Variants in MFSD6 observed in about 807,000 individuals in gnomAD.
MFSD6 encodes the protein major facilitator superfamily domain-containing protein 6.
A neutral mutation model predicts 56.3 loss-of-function variants in MFSD6; 26 were observed. The ratio of observed to expected loss-of-function variants is 0.46; its 90% CI spans 0.34 to 0.64. The LOEUF (loss-of-function observed/expected upper bound fraction) is 0.64. MFSD6 is among the 30% of genes least tolerant of loss of function. MFSD6 has a pLI of 0.01. For missense variants in MFSD6, 750 were observed against 986.2 expected (o/e 0.76, Z 3.21); for synonymous variants, 331 against 366.9 (o/e 0.90, Z 1.12).
intron 4 of MFSD6, among the ~76,000 whole-genome samples, chr2:190,483,981 GCC>G (rs1688859780): frequency 6.6e-6 from 1 of 152,058 alleles, no homozygotes; most frequent in African/African-American, 2.4e-5. Context: ...TTTTTACTGT[GCC>G]TCAAAGCCAA....
chr2:190,449,886 A>G (rs185445868), intron 3 of MFSD6, among the ~76,000 whole-genome samples: 89 of 152,136 alleles, frequency 5.9e-4, no homozygotes, highest in African/African-American at 6.3e-4. Context: ...AGGGGGGAGG[A>G]ATAGCTTTAG....
intron 2 of MFSD6, among the ~76,000 whole-genome samples, chr2:190,432,062 C>G (rs1359623861): frequency 6.6e-6 from 1 of 152,180 alleles, no homozygotes; most frequent in Non-Finnish European, 1.5e-5. Flanking sequence ...AGACTTTCCT[C>G]AAATGTCTTA....
At chr2:190,449,620 G>A (rs972185991) in intron 3 of MFSD6, among the ~76,000 whole-genome samples, 2 of 152,002 alleles carry the variant, frequency 1.3e-5, no homozygotes, top group African/African-American at 4.8e-5. Flanking sequence ...CAACCCAAAT[G>A]TCCAACAATG....
intron 2 of MFSD6, among the ~76,000 whole-genome samples, chr2:190,432,758 T>C (rs1686048810): frequency 2.0e-5 from 3 of 152,212 alleles, no homozygotes; most frequent in Admixed American, 2.0e-4. Context: ...ATAACCTGCA[T>C]TTGTTTGGGG....
chr2:190,497,327 C>T lies in MFSD6; in HGVS notation c.1892-112C>T. ...GTAACCAGCAATTTATTAATATTATCAAGCACTCTGGAATGGGTATATGGG... is the reference window on the plus strand; with the variant it reads ...GTAACCAGCAATTTATTAATATTATTAAGCACTCTGGAATGGGTATATGGG... On this transcript the variant is annotated intron_variant, in intron 6 of 7. Transcript: ENST00000392328. The surrounding 1 kb of genome is among the most constrained non-coding windows in gnomAD (Gnocchi z 5.2). 1.7e-6 allele frequency: 2 copies of T among 1,188,434 alleles called. No homozygotes were observed. Among genetic ancestry groups the T allele is most frequent in the African/African-American group, 1.6e-5 (1 of 64,498 alleles). 73.6% of individuals were successfully genotyped at this position (1,188,434 alleles called of 1,614,324 possible). A position where few individuals can be genotyped will look rare whatever the true frequency, so the allele number is the denominator to read the frequency against.
chr2:190,469,813 C>T lies in MFSD6; in HGVS notation c.1588C>T (p.Leu530=), dbSNP rs1227011564. 6.2e-7 allele frequency: 1 copy of T among 1,608,958 alleles called. No individual in the cohort carries two copies. Among genetic ancestry groups the T allele is most frequent in the Admixed American group, 1.7e-5 (1 of 59,318 alleles). ...NTARYIYISY[L]ENAWTVLPME... ...GGCTCGCTATATTTATATTTCCTAC[C>T]TGGAGAATGCCTGGACTGTTCTCCC... Residue 530 remains leucine (L), a synonymous_variant, in exon 4 of 8, where the codon CTG becomes TTG. Transcript: ENST00000392328. The surrounding 1 kb of genome is among the most constrained non-coding windows in gnomAD (Gnocchi z 5.3).
intron 3 of MFSD6, chr2:190,464,838 A>G (rs543526540): frequency 1.2e-6 from 1 of 810,202 alleles, no homozygotes; most frequent in Non-Finnish European, 1.5e-6. Flanking sequence ...AGTATATGGT[A>G]GATAGTGGCA....
Position 190,467,204 on chromosome 2 carries a change from A to C in MFSD6, c.1533-2554A>C, listed in dbSNP as rs1437317594. On this transcript the variant is annotated intron_variant, in intron 3 of 7. Coordinates refer to ENST00000392328, the MANE Select transcript of MFSD6 (RefSeq NM_017694.4). The surrounding 1 kb of genome is among the most constrained non-coding windows in gnomAD (Gnocchi z 5.5). ...TTCTCCACCCTGGCTCAGTAAGAGA[A>C]CAACCTGGGGAACTTTCAAAATGCC... 1.3e-5 allele frequency among the ~76,000 whole-genome samples: 2 copies of C among 152,260 alleles called. No individual in the cohort carries two copies. The highest frequency in any genetic ancestry group is 4.8e-5 in the African/African-American group (2 of 41,470).
chr2:190,427,628 T>C (rs1013432199), intron 2 of MFSD6, among the ~76,000 whole-genome samples: 1 of 152,190 alleles, frequency 6.6e-6, no homozygotes, highest in East Asian at 1.9e-4. Flanking sequence ...GTCTTCTATG[T>C]TTACTTTATA....
Position 190,412,559 on chromosome 2 carries a change from G to A in MFSD6, c.-175-2733G>A. On this transcript the variant is annotated intron_variant, in intron 1 of 7. Coordinates refer to ENST00000392328, the MANE Select transcript of MFSD6 (RefSeq NM_017694.4). The surrounding 1 kb of genome is among the most constrained non-coding windows in gnomAD (Gnocchi z 4.1). ...TTGGGCATAGCATTTTTGATTCCTG[G>A]GAAAAGCAAACAAACACATCTGATG... The A allele has an allele frequency of 1.1e-5, 11 of 985,266 alleles. No homozygotes were observed. The highest frequency in any genetic ancestry group is 1.3e-5 in the Non-Finnish European group (11 of 829,902). 61.0% of individuals were successfully genotyped at this position (985,266 alleles called of 1,614,324 possible). A position where few individuals can be genotyped will look rare whatever the true frequency, so the allele number is the denominator to read the frequency against.
At chr2:190,455,183 A>C (rs1437848384) in intron 3 of MFSD6, among the ~76,000 whole-genome samples, 2 of 152,092 alleles carry the variant, frequency 1.3e-5, no homozygotes, top group South Asian at 4.2e-4. Context: ...TGGTATCATC[A>C]AAATAGAGAC....
At position 190,437,111 on chromosome 2, in the gene MFSD6, A is replaced by G. The variant is rs865986767; in HGVS notation, c.1082A>G (p.Lys361Arg). The change falls in exon 3 of 8, where the codon AAG becomes AGG. Residue 361 changes from lysine (K) to arginine (R), a missense_variant. This residue lies in a region of MFSD6 where 376 missense variants were observed against 437.9 expected (regional missense o/e 0.86). Transcript: ENST00000392328. The surrounding 1 kb of genome is among the most constrained non-coding windows in gnomAD (Gnocchi z 5.9). ...IEVLIDGKGC[K>R]PPEYRNYQIV... ...GTGCTCATCGATGGAAAGGGGTGTA[A>G]GCCCCCCGAGTACAGGAATTACCAG... 1 of 1,614,234 alleles carries G rather than the reference A, an allele frequency of 6.2e-7. No homozygotes were observed. The highest frequency in any genetic ancestry group is 1.3e-5 in the African/African-American group (1 of 75,064).
At chr2:190,432,600 A>G (rs1269514548) in intron 2 of MFSD6, among the ~76,000 whole-genome samples, 1 of 152,100 alleles carries the variant, frequency 6.6e-6, no homozygotes, top group Non-Finnish European at 1.5e-5. Flanking sequence ...TATTTTTAGT[A>G]GAGACAGGGT....
At chr2:190,450,184 G>A (rs1188234753) in intron 3 of MFSD6, among the ~76,000 whole-genome samples, 5 of 152,038 alleles carry the variant, frequency 3.3e-5, no homozygotes, top group Non-Finnish European at 7.4e-5. Flanking sequence ...CGTTTTTATT[G>A]TACAAGTCAA....
In MFSD6 at chr2:190,489,717, G is replaced by C. The variant is rs368689766; in HGVS notation, c.1793-51G>C. The C allele has an allele frequency of 1.3e-6, 2 of 1,512,736 alleles. No homozygotes were observed. The highest frequency in any genetic ancestry group is 2.3e-5 in the East Asian group (1 of 44,138). The allele number at this position is 1,512,736 out of a possible 1,614,324, so 93.7% of individuals were successfully genotyped here. ...AGAAAACTGATGGTTTTAGATGAGC[G>C]CTATCTGCATTTCTTGGAATTACTC... On this transcript the variant is annotated intron_variant, in intron 5 of 7. Coordinates refer to ENST00000392328, the MANE Select transcript of MFSD6 (RefSeq NM_017694.4). This position sits in a 1 kb window ranked among gnomAD's most constrained non-coding sequence, Gnocchi z 6.6.
chr2:190,501,415 A>G lies in MFSD6; in HGVS notation c.*1197A>G, dbSNP rs1690017841. The G allele has an allele frequency of 6.6e-6, 1 of 152,238 alleles. No homozygotes were observed. The highest frequency in any genetic ancestry group is 1.5e-5 in the Non-Finnish European group (1 of 68,036). The allele number at this position is 152,238 out of a possible 1,614,324, so 9.4% of individuals were successfully genotyped here. A position where few individuals can be genotyped will look rare whatever the true frequency, so the allele number is the denominator to read the frequency against. ...TGCAAACGTTACAACTGCAGCCAGA[A>G]CAATGGCTGGGTGGATCGCACGTAA... On this transcript the variant is annotated 3_prime_UTR_variant, in exon 8 of 8. Transcript: ENST00000392328.
Position 190,438,890 on chromosome 2 carries a change from A to G in MFSD6, c.1532+1329A>G, listed in dbSNP as rs1686271664. On this transcript the variant is annotated intron_variant, in intron 3 of 7. Coordinates refer to ENST00000392328, the MANE Select transcript of MFSD6 (RefSeq NM_017694.4). The surrounding 1 kb of genome is among the most constrained non-coding windows in gnomAD (Gnocchi z 5.2). ...ACCATTTCTTTAAGCAATTGTGAGT[A>G]TTTTTTCTTGTTGGTTTGGTTTTGC... is the stretch of plus-strand genomic sequence containing the variant. Among the ~76,000 whole-genome samples, 1 of 152,022 alleles carries G rather than the reference A, an allele frequency of 6.6e-6. No individual in the cohort carries two copies. The highest frequency in any genetic ancestry group is 1.5e-5 in the Non-Finnish European group (1 of 68,000).
In MFSD6 at chr2:190,424,316, T is replaced by G. The variant is rs938398882; in HGVS notation, c.-54+8903T>G. Among the ~76,000 whole-genome samples the G allele has an allele frequency of 3.1e-4, 47 of 151,968 alleles. No individual in the cohort carries two copies. Among genetic ancestry groups the G allele is most frequent in the African/African-American group, 1.1e-3 (46 of 41,378 alleles). Reference sequence around the variant, plus strand: ...TTTGAGTTAATATTTGTATAAGGTATAAGACTTAGTTTGAGGTTATTTATT... The same window carrying G: ...TTTGAGTTAATATTTGTATAAGGTAGAAGACTTAGTTTGAGGTTATTTATT... On this transcript the variant is annotated intron_variant, in intron 2 of 7. Coordinates refer to ENST00000392328, the MANE Select transcript of MFSD6 (RefSeq NM_017694.4). This position sits in a 1 kb window ranked among gnomAD's most constrained non-coding sequence, Gnocchi z 5.9.
At chr2:190,473,515 G>C (rs2125162859) in intron 4 of MFSD6, among the ~76,000 whole-genome samples, 1 of 152,262 alleles carries the variant, frequency 6.6e-6, no homozygotes, top group South Asian at 2.1e-4. Flanking sequence ...TCAACAAGAA[G>C]AGCTAACTAT....
Sources: allele counts gnomAD v4.1 joint callset (sites outside exome capture counted in the v4.1 genomes callset), GRCh38; gene constraint gnomAD v4.1.1; regional missense constraint gnomAD v4.1.1; non-coding constraint Gnocchi (gnomAD v3.1); transcripts MANE v1.5; gene names NCBI Gene and HGNC (gene_info 2026-07-23, HGNC 2026-07-21).